RBFOX1: variants seen among roughly 807,000 people sequenced by gnomAD.
RBFOX1 encodes the protein RNA binding protein fox-1 homolog 1.
In RBFOX1, 8 loss-of-function variants were observed where a neutral mutation model predicts 57.7. That is an observed-to-expected ratio of 0.14 (90% CI 0.08 to 0.25). The LOEUF is 0.25. RBFOX1 is among the 10% of genes least tolerant of loss of function. The pLI, the probability that RBFOX1 is intolerant of heterozygous loss-of-function variation, is 1.00. For missense variants in RBFOX1, 611 were observed against 548.5 expected (o/e 1.11, Z -1.14); for synonymous variants, 326 against 222.4 (o/e 1.47, Z -4.15).
intron 1 of RBFOX1, among the ~76,000 whole-genome samples, chr16:5,425,604 G>C (rs1456137517): frequency 6.6e-6 from 1 of 152,216 alleles, no homozygotes; most frequent in Non-Finnish European, 1.5e-5. Context: ...ATCCAAGAAA[G>C]AGAGAACGTG....
chr16:7,364,324 C>G (rs929446375), intron 4 of RBFOX1, among the ~76,000 whole-genome samples: 7 of 151,998 alleles, frequency 4.6e-5, no homozygotes, highest in South Asian at 2.1e-4. Flanking sequence ...AGAAAGGGCC[C>G]TGGAATTAAT....
At chr16:7,544,913 TC>T (rs2152497165) in intron 5 of RBFOX1, among the ~76,000 whole-genome samples, 1 of 152,286 alleles carries the variant, frequency 6.6e-6, no homozygotes, top group East Asian at 1.9e-4. Flanking sequence ...TTGTTCATCA[TC>T]CCCGTATCTG....
chr16:6,218,039 G>C lies in RBFOX1; in HGVS notation c.-126-98956G>C, dbSNP rs1186165627. Among the ~76,000 whole-genome samples, 3 of 152,068 alleles carry C rather than the reference G, an allele frequency of 2.0e-5. No individual in the cohort carries two copies. The East Asian group carries it at 5.8e-4, about 29-fold the overall frequency. On this transcript the variant is annotated intron_variant, in intron 1 of 15. Transcript: ENST00000550418. ...TCAAAAATAATAAAATAAAAACGTT[G>C]CATGAATGAAAAGTTGTGTAATCAG...
At chr16:6,817,403 TTAAC>T (rs922847941) in intron 3 of RBFOX1, among the ~76,000 whole-genome samples, 1 of 151,962 alleles carries the variant, frequency 6.6e-6, no homozygotes, top group Admixed American at 6.6e-5. Flanking sequence ...AGTTTTAAAA[TTAAC>T]TTTTAGCTGG....
At chr16:7,488,565 A>G (rs887896950) in intron 4 of RBFOX1, among the ~76,000 whole-genome samples, 2 of 105,920 alleles carry the variant, frequency 1.9e-5, no homozygotes, top group South Asian at 5.7e-4. Context: ...TCAATCCATC[A>G]TATGTTTATC....
At chr16:6,651,612 T>C (rs189631222) in intron 2 of RBFOX1, among the ~76,000 whole-genome samples, 1 of 152,158 alleles carries the variant, frequency 6.6e-6, no homozygotes. Context: ...TTAGTGGGGA[T>C]GTAAAATGGT....
chr16:6,936,468 C>T (rs934731893), intron 3 of RBFOX1, among the ~76,000 whole-genome samples: 6 of 152,134 alleles, frequency 3.9e-5, no homozygotes, highest in African/African-American at 1.2e-4. Context: ...TCATTACTTT[C>T]TTCCTTCATC....
intron 3 of RBFOX1, among the ~76,000 whole-genome samples, chr16:6,809,956 G>T (rs2088012959): frequency 6.6e-6 from 1 of 151,438 alleles, no homozygotes; most frequent in Non-Finnish European, 1.5e-5. Context: ...CCTGAGTTGA[G>T]ATTGATATGA....
intron 1 of RBFOX1, among the ~76,000 whole-genome samples, chr16:6,216,582 A>C (rs1409932125): frequency 6.6e-5 from 10 of 152,176 alleles, no homozygotes; most frequent in Admixed American, 6.5e-4. Context: ...GAGTGAGCAA[A>C]AGCAAAGTAT....
intron 2 of RBFOX1, among the ~76,000 whole-genome samples, chr16:5,478,640 G>T (rs149401325): frequency 6.6e-6 from 1 of 152,322 alleles, no homozygotes; most frequent in East Asian, 1.9e-4. Context: ...CAAATGGGTA[G>T]CATCTGCTTA....
At chr16:6,854,793 A>G (rs1410518723) in intron 3 of RBFOX1, among the ~76,000 whole-genome samples, 1 of 151,670 alleles carries the variant, frequency 6.6e-6, no homozygotes, top group African/African-American at 2.4e-5. Flanking sequence ...ACGGGGTTTC[A>G]CCATGTTAGC....
intron 4 of RBFOX1, among the ~76,000 whole-genome samples, chr16:7,162,312 C>T (rs1445829687): frequency 1.3e-5 from 2 of 152,146 alleles, no homozygotes; most frequent in African/African-American, 2.4e-5. Context: ...TACATGCACA[C>T]ATATGTATGT....
intron 6 of RBFOX1, among the ~76,000 whole-genome samples, chr16:7,583,679 A>C (rs2093943102): frequency 6.6e-6 from 1 of 152,150 alleles, no homozygotes; most frequent in Non-Finnish European, 1.5e-5. Flanking sequence ...TTTAGGGGTC[A>C]AAATACAGAC....
intron 2 of RBFOX1, among the ~76,000 whole-genome samples, chr16:6,442,345 C>G (rs1056349143): frequency 4.6e-5 from 7 of 152,240 alleles, no homozygotes; most frequent in African/African-American, 1.7e-4. Flanking sequence ...ATCACGAGGT[C>G]AAGAGATTGA....
chr16:5,768,581 A>G (rs941763962), intron 3 of RBFOX1, among the ~76,000 whole-genome samples: 6 of 152,132 alleles, frequency 3.9e-5, no homozygotes, highest in Non-Finnish European at 8.8e-5. Context: ...TTTGAAAGCT[A>G]CCAGGTGGTA....
rs1567446902 is a variant in RBFOX1 at position 6,097,081 on chromosome 16, T to TGAG, written c.-127+77090_-127+77091insAGG. 2.0e-5 allele frequency among the ~76,000 whole-genome samples: 3 copies of TGAG among 151,868 alleles called. No individual in the cohort carries two copies. The East Asian group carries it at 5.8e-4, about 29-fold the overall frequency. ...GGTTTCCCCCATACTGTTGTCATGGTGGTGAGTAAGTCTTACTAGATCTGA... is the reference window on the plus strand; with the variant it reads ...GGTTTCCCCCATACTGTTGTCATGGTGAGGGTGAGTAAGTCTTACTAGATCTGA... On this transcript the variant is annotated intron_variant, in intron 1 of 15. Coordinates refer to ENST00000550418, the MANE Select transcript of RBFOX1 (RefSeq NM_018723.4). The surrounding 1 kb of genome is among the most constrained non-coding windows in gnomAD (Gnocchi z 5.0).
intron 4 of RBFOX1, among the ~76,000 whole-genome samples, chr16:7,255,658 A>G (rs1033081241): frequency 6.6e-6 from 1 of 152,230 alleles, no homozygotes; most frequent in African/African-American, 2.4e-5. Flanking sequence ...TGCAAGTCAC[A>G]TATGCAAAGT....
intron 4 of RBFOX1, among the ~76,000 whole-genome samples, chr16:5,867,577 T>C (rs1286882212): frequency 6.6e-6 from 1 of 152,204 alleles, no homozygotes; most frequent in East Asian, 1.9e-4. Context: ...CGTCTGTTTC[T>C]TGACAGATAC....
intron 1 of RBFOX1, among the ~76,000 whole-genome samples, chr16:6,023,799 C>T (rs897512883): frequency 2.0e-5 from 3 of 152,152 alleles, no homozygotes; most frequent in African/African-American, 7.2e-5. Context: ...GTGCCGGAGA[C>T]CTCAAACACC....
Sources: allele counts gnomAD v4.1 joint callset (sites outside exome capture counted in the v4.1 genomes callset), GRCh38; gene constraint gnomAD v4.1.1; non-coding constraint Gnocchi (gnomAD v3.1); transcripts MANE v1.5; gene names NCBI Gene and HGNC (gene_info 2026-07-23, HGNC 2026-07-21).